Variants in NLRC5 observed in about 807,000 individuals in gnomAD.
NLRC5 encodes the protein NLR family CARD domain containing 5.
A neutral mutation model predicts 206.9 loss-of-function variants in NLRC5; 114 were observed. The ratio of observed to expected loss-of-function variants is 0.55; its 90% CI spans 0.47 to 0.64. The LOEUF is 0.64. NLRC5 is among the 30% of genes least tolerant of loss of function. The probability of loss-of-function intolerance (pLI) is 0.00; values close to 1 mark genes in which losing one functional copy is unlikely to be tolerated. For missense variants in NLRC5, 2,008 were observed against 2,305.5 expected (o/e 0.87, Z 2.64); for synonymous variants, 952 against 962.8 (o/e 0.99, Z 0.21).
chr16:56,993,111 G>A (rs1490265667), intron 1 of NLRC5, among the ~76,000 whole-genome samples: 2 of 119,664 alleles, frequency 1.7e-5, no homozygotes, highest in Admixed American at 9.3e-5. Context: ...ATATATACAC[G>A]TATATATGTG....
chr16:57,082,456 C>T lies in NLRC5; in HGVS notation c.5529C>T (p.His1843=). 2 of 1,613,820 alleles carry T rather than the reference C, an allele frequency of 1.2e-6. No individual in the cohort carries two copies. Among genetic ancestry groups the T allele is most frequent in the Non-Finnish European group, 1.7e-6 (2 of 1,179,852 alleles). ...CCATTCCCTGCGACATGGCCCAGCA[C>T]CTGAAGAGCCAGGAGCCCAGGCTGG... ...NNPIPCDMAQ[H]LKSQEPRLDF... The change falls in exon 49 of 49, where the codon CAC becomes CAT. Residue 1843 remains histidine, a synonymous_variant. Transcript: ENST00000688547.
intron 1 of NLRC5, among the ~76,000 whole-genome samples, chr16:56,992,883 C>A (rs2057082690): frequency 6.6e-6 from 1 of 151,876 alleles, no homozygotes; most frequent in Non-Finnish European, 1.5e-5. Flanking sequence ...CTTATTATAT[C>A]ATGTTTTAAA....
chr16:57,039,473 C>A (rs2063007520), intron 15 of NLRC5, among the ~76,000 whole-genome samples: 1 of 152,136 alleles, frequency 6.6e-6, no homozygotes, highest in South Asian at 2.1e-4. Flanking sequence ...ATCATCCCAG[C>A]ACTTTGGGAA....
In NLRC5 at chr16:57,056,425, G is replaced by C. The variant is rs566806501; in HGVS notation, c.3746+906G>C. On this transcript the variant is annotated intron_variant, in intron 27 of 48. Coordinates refer to ENST00000688547, the MANE Select transcript of NLRC5 (RefSeq NM_001384950.1). The stretch of plus-strand genomic sequence containing the variant: ...CCCACCTCAGCCTCTGGAGTAGCTG[G>C]GACTACAGGCACACACCAACATGCC... 7.3e-4 allele frequency among the ~76,000 whole-genome samples: 111 copies of C among 151,920 alleles called. 2 individuals are homozygous for C. The highest frequency in any genetic ancestry group is 4.0e-3 in the South Asian group (19 of 4,808).
intron 45 of NLRC5, 67 bp from the exon 46 acceptor site, chr16:57,079,479 G>A (rs2145136368): frequency 6.9e-7 from 1 of 1,452,070 alleles, no homozygotes. Flanking sequence ...GGCTCTGGAG[G>A]CAGGACCTGC....
At chr16:57,018,737 A>C (rs1295704543) in intron 2 of NLRC5, among the ~76,000 whole-genome samples, 7 of 152,152 alleles carry the variant, frequency 4.6e-5, no homozygotes, top group Admixed American at 3.9e-4. Flanking sequence ...AGGTATATAA[A>C]GCACTTAGAC....
intron 20 of NLRC5, among the ~76,000 whole-genome samples, chr16:57,044,381 G>A (rs1048573571): frequency 3.3e-5 from 5 of 151,998 alleles, no homozygotes; most frequent in African/African-American, 1.2e-4. Flanking sequence ...TCTTAATTGT[G>A]GGAGCTGATG....
intron 1 of NLRC5, among the ~76,000 whole-genome samples, chr16:57,008,112 G>T (rs903354124): frequency 6.6e-6 from 1 of 151,934 alleles, no homozygotes; most frequent in African/African-American, 2.4e-5. Flanking sequence ...TTTCAGCCAG[G>T]CATAGTGGCT....
chr16:57,082,751 T>C lies in NLRC5; in HGVS notation c.*223T>C. 1 of 474,014 alleles carries C rather than the reference T, an allele frequency of 2.1e-6. No homozygotes were observed. The highest frequency in any genetic ancestry group is 3.4e-5 in the East Asian group (1 of 29,764). 29.4% of individuals were successfully genotyped at this position (474,014 alleles called of 1,614,324 possible). On this transcript the variant is annotated 3_prime_UTR_variant, in exon 49 of 49. Coordinates refer to ENST00000688547, the MANE Select transcript of NLRC5 (RefSeq NM_001384950.1). ...GGAGTACCCTGCATTACGTGGGATA[T>C]GTGTGATCAATTGGGGACATGCGAC...
chr16:57,010,137 C>G (rs1166248646), intron 1 of NLRC5, among the ~76,000 whole-genome samples: 5 of 152,114 alleles, frequency 3.3e-5, no homozygotes, highest in African/African-American at 1.2e-4. Context: ...GAGGAGAGAT[C>G]AGGAGCTCAG....
chr16:57,078,602 G>T (rs1284412525), intron 43 of NLRC5, among the ~76,000 whole-genome samples: 1 of 151,520 alleles, frequency 6.6e-6, no homozygotes, highest in Non-Finnish European at 1.5e-5. Context: ...TACCAGAGTA[G>T]CTGGGATTAC....
chr16:57,034,290 A>C, intron 13 of NLRC5, 39 bp downstream of exon 13: 1 of 1,222,092 alleles, frequency 8.2e-7, no homozygotes, highest in Non-Finnish European at 1.1e-6. Context: ...GAGCCAGGAA[A>C]GGAGGTTGGA....
intron 8 of NLRC5, 46 bp from the exon 9 acceptor site, chr16:57,029,727 T>G (rs757255137): frequency 3.9e-5 from 61 of 1,545,750 alleles, no homozygotes; most frequent in Non-Finnish European, 4.9e-5. Flanking sequence ...GGCTTGCAAG[T>G]GCCCCAACCC....
chr16:57,042,265 C>T (rs1465091737), intron 19 of NLRC5, among the ~76,000 whole-genome samples, 200 bp downstream of exon 19: 1 of 152,196 alleles, frequency 6.6e-6, no homozygotes, highest in Non-Finnish European at 1.5e-5. Flanking sequence ...AATAATCCCA[C>T]TTCTGATTCA....
At chr16:57,015,925 C>CAAAA (rs35216159) in intron 1 of NLRC5, among the ~76,000 whole-genome samples, 18 of 39,514 alleles carry the variant, frequency 4.6e-4, no homozygotes, top group African/African-American at 6.9e-4. Flanking sequence ...AACTCCATCT[C>CAAAA]AAAAAAAAAA....
chr16:57,057,389 A>T (rs1187441519), intron 27 of NLRC5, among the ~76,000 whole-genome samples: 3 of 152,218 alleles, frequency 2.0e-5, no homozygotes, highest in Non-Finnish European at 2.9e-5. Context: ...GTGCCATTGC[A>T]CTCCAGCCTG....
chr16:57,065,593 A>G (rs2066994663), intron 33 of NLRC5, among the ~76,000 whole-genome samples: 1 of 152,224 alleles, frequency 6.6e-6, no homozygotes, highest in Non-Finnish European at 1.5e-5. Flanking sequence ...GTGGCCCCCC[A>G]GATGCAGTAA....
chr16:56,990,556 G>A (rs2056693225), intron 1 of NLRC5: 1 of 152,068 alleles, frequency 6.6e-6, no homozygotes, highest in African/African-American at 2.4e-5. Flanking sequence ...GTCGGAAGAG[G>A]CTCCTACCTT....
intron 1 of NLRC5, among the ~76,000 whole-genome samples, chr16:57,002,247 A>C (rs2058343235): frequency 6.6e-6 from 1 of 152,184 alleles, no homozygotes; most frequent in Non-Finnish European, 1.5e-5. Flanking sequence ...TCCCAGGTTC[A>C]AGCAATTCTC....
Sources: gnomAD v4.1 joint callset for allele counts (sites outside exome capture counted in the v4.1 genomes callset) on GRCh38, gnomAD v4.1.1 for gene constraint, MANE v1.5 for transcripts, NCBI Gene and HGNC (gene_info 2026-07-23, HGNC 2026-07-21) for gene names.